NDST4: variants seen among roughly 807,000 people sequenced by gnomAD.
NDST4 encodes N-deacetylase and N-sulfotransferase 4.
Under a neutral mutation model 100.8 loss-of-function variants are expected in NDST4, and 63 were observed. The ratio of observed to expected loss-of-function variants is 0.62; its 90% confidence interval spans 0.51 to 0.77. NDST4 has a LOEUF of 0.77. NDST4 is among the 30% of genes least tolerant of loss of function. The pLI, the probability that NDST4 is intolerant of heterozygous loss-of-function variation, is 0.00. For synonymous variants in NDST4, 377 were observed against 361.8 expected, an observed-to-expected ratio of 1.04 and a Z score of -0.48; for missense variants, 943 against 1,018.4, an observed-to-expected ratio of 0.93 and a Z score of 1.01.
chr4:115,041,423 A>G (rs561113809), intron 2 of NDST4, among the ~76,000 whole-genome samples: 1 of 152,136 alleles, frequency 6.6e-6, no homozygotes, highest in African/African-American at 2.4e-5. Context: ...TTCCAGAAAA[A>G]TGTTCCCAGT....
At chr4:115,081,376 T>C (rs1238181507) in intron 1 of NDST4, among the ~76,000 whole-genome samples, 1 of 152,166 alleles carries the variant, frequency 6.6e-6, no homozygotes, top group African/African-American at 2.4e-5. Context: ...TTTACCTATG[T>C]CTCACACCTG....
intron 2 of NDST4, among the ~76,000 whole-genome samples, chr4:114,998,288 C>T (rs967707982): frequency 1.3e-5 from 2 of 152,142 alleles, no homozygotes; most frequent in Non-Finnish European, 2.9e-5. Flanking sequence ...TCTACAGCCT[C>T]TTCTGGAGAT....
Position 114,910,732 on chromosome 4 carries a change from T to A in NDST4, c.1536+24474A>T, listed in dbSNP as rs191247977. ...TAAAATTTATTTCAAAATCAGCATA[T>A]CAATCCATGTACCCTTACTAGGCCC... On this transcript the variant is annotated intron_variant, in intron 6 of 13. Transcript: ENST00000264363. 2.1e-3 allele frequency among the ~76,000 whole-genome samples: 313 copies of A among 152,298 alleles called. 2 individuals carry two copies. The highest frequency in any genetic ancestry group is 7.3e-3 in the African/African-American group (302 of 41,568).
At chr4:114,913,186 A>C (rs1578384377) in intron 6 of NDST4, among the ~76,000 whole-genome samples, 2 of 152,138 alleles carry the variant, frequency 1.3e-5, no homozygotes, top group East Asian at 3.9e-4. Flanking sequence ...TTCTTTTAAA[A>C]TAAGGACTGT....
chr4:114,883,356 C>G (rs1724411559), intron 6 of NDST4, among the ~76,000 whole-genome samples: 1 of 151,936 alleles, frequency 6.6e-6, no homozygotes, highest in African/African-American at 2.4e-5. Flanking sequence ...CACTACAGCA[C>G]TACCTGGGAA....
chr4:115,025,852 G>C (rs542189480), intron 2 of NDST4, among the ~76,000 whole-genome samples: 1 of 152,162 alleles, frequency 6.6e-6, no homozygotes, highest in South Asian at 2.1e-4. Context: ...TTATTGATAA[G>C]AATTATGTAA....
chr4:114,976,848 A>C (rs1018763310), intron 3 of NDST4, among the ~76,000 whole-genome samples: 2 of 151,932 alleles, frequency 1.3e-5, no homozygotes, highest in African/African-American at 4.8e-5. Context: ...AAATTCTGTC[A>C]GTTATTATTA....
chr4:114,859,710 A>G (rs1322347981), intron 7 of NDST4, among the ~76,000 whole-genome samples: 1 of 152,196 alleles, frequency 6.6e-6, no homozygotes, highest in African/African-American at 2.4e-5. Flanking sequence ...ATGCAGGGGT[A>G]CGGAAGACTG....
At chr4:114,963,362 T>G (rs567773899) in intron 4 of NDST4, among the ~76,000 whole-genome samples, 2 of 152,166 alleles carry the variant, frequency 1.3e-5, no homozygotes, top group Admixed American at 1.3e-4. Flanking sequence ...TCTACTTATA[T>G]CCCACGTCCA....
At chr4:115,019,230 G>T (rs944685101) in intron 2 of NDST4, among the ~76,000 whole-genome samples, 1 of 151,930 alleles carries the variant, frequency 6.6e-6, no homozygotes, top group Non-Finnish European at 1.5e-5. Flanking sequence ...TGTTCAATGG[G>T]CTTCTTTAGT....
Position 114,996,028 on chromosome 4 carries a change from A to G in NDST4, c.979-18754T>C, listed in dbSNP as rs189406682. ...TGATCATAATATTGCTGACATTTCC[A>G]TAGGAAACTTATCTTAAGAGATCAT... On this transcript the variant is annotated intron_variant, in intron 2 of 13. Transcript: ENST00000264363. Among the ~76,000 whole-genome samples the G allele has an allele frequency of 1.5e-4, 23 of 152,262 alleles. No homozygotes were observed. The East Asian group carries it at 4.1e-3, about 27-fold the overall frequency.
At chr4:114,988,645 G>A (rs142910487) in intron 2 of NDST4, among the ~76,000 whole-genome samples, 2,937 of 152,036 alleles carry the variant, frequency 0.019, 101 homozygotes, top group African/African-American at 0.066. Context: ...ACAGGTGTGA[G>A]CCACCATGCC....
chr4:114,937,223 G>T, intron 5 of NDST4, 95 bp downstream of exon 5: 1 of 1,243,024 alleles, frequency 8.0e-7, no homozygotes, highest in Non-Finnish European at 1.2e-6. Context: ...ATGTAAAAGA[G>T]GTTCGAGGTT....
intron 7 of NDST4, 78 bp downstream of exon 7, chr4:114,870,690 G>A: frequency 8.2e-7 from 1 of 1,224,980 alleles, no homozygotes; most frequent in Non-Finnish European, 1.1e-6. Flanking sequence ...ATGTCCAGCA[G>A]AGTGCCTAAC....
intron 4 of NDST4, among the ~76,000 whole-genome samples, chr4:114,959,959 TAAAC>T (rs1004184153): frequency 5.9e-5 from 9 of 152,030 alleles, no homozygotes; most frequent in African/African-American, 1.4e-4. Context: ...AGAACTAAAA[TAAAC>T]AAAGAAATCC....
chr4:114,891,733 C>A (rs915172254), intron 6 of NDST4, among the ~76,000 whole-genome samples: 1 of 152,172 alleles, frequency 6.6e-6, no homozygotes, highest in Middle Eastern at 3.4e-3. Context: ...TGCCTTTCTC[C>A]GACAGAAATG....
At chr4:114,887,831 T>C (rs541684749) in intron 6 of NDST4, among the ~76,000 whole-genome samples, 1 of 152,204 alleles carries the variant, frequency 6.6e-6, no homozygotes, top group East Asian at 1.9e-4. Flanking sequence ...TTTTCCACTT[T>C]GTTGTCACTA....
intron 2 of NDST4, among the ~76,000 whole-genome samples, chr4:115,074,824 G>A (rs948102453): frequency 5.3e-5 from 8 of 152,052 alleles, no homozygotes; most frequent in South Asian, 4.1e-4. Flanking sequence ...ATCCAAAAAC[G>A]TCGATAACAT....
chr4:115,075,477 A>T (rs1271160053), intron 2 of NDST4, among the ~76,000 whole-genome samples: 1 of 152,088 alleles, frequency 6.6e-6, no homozygotes, highest in Non-Finnish European at 1.5e-5. Flanking sequence ...TCTAGCTGGG[A>T]TGGGAAAGAC....
Sources: gnomAD v4.1 joint callset for allele counts (sites outside exome capture counted in the v4.1 genomes callset) on GRCh38, gnomAD v4.1.1 for gene constraint, MANE v1.5 for transcripts, NCBI Gene and HGNC (gene_info 2026-07-23, HGNC 2026-07-21) for gene names.